Variants in CRIM1 observed in about 807,000 individuals in gnomAD.
The protein encoded by CRIM1 is cysteine-rich motor neuron 1 protein.
CRIM1 carries 32 observed loss-of-function variants against 116.4 expected under a neutral mutation model. The observed-to-expected ratio is 0.27, with a 90% CI of 0.21 to 0.37. The LOEUF is 0.37. Among genes scored for constraint, CRIM1 ranks in the 10% least tolerant of loss-of-function variants. The pLI is 1.00. For synonymous variants in CRIM1, 590 were observed against 509.2 expected (o/e 1.16, Z -2.13); for missense variants, 1,331 against 1,354.8 (o/e 0.98, Z 0.28).
In CRIM1 at chr2:36,402,904, A is replaced by C. The variant is rs371799386; in HGVS notation, c.505+6117A>C. Among the ~76,000 whole-genome samples the C allele has an allele frequency of 3.5e-4, 54 of 152,274 alleles. 1 individual carries two copies. The South Asian group carries it at 0.011, about 31-fold the overall frequency. Reference sequence around the variant, plus strand: ...TTTGGGCAAATTAAATTTGACATCCACATAGAACTATTTGTCACAAGCAAT... The same window carrying C: ...TTTGGGCAAATTAAATTTGACATCCCCATAGAACTATTTGTCACAAGCAAT... On this transcript the variant is annotated intron_variant, in intron 2 of 16. Transcript: ENST00000280527.
chr2:36,521,993 C>T lies in CRIM1; in HGVS notation c.2207-99C>T, dbSNP rs537301806. 23 of 944,106 alleles carry T rather than the reference C, an allele frequency of 2.4e-5. No individual in the cohort carries two copies. In the East Asian group the frequency reaches 4.1e-4, roughly 17 times the overall value. 58.5% of individuals were successfully genotyped at this position (944,106 alleles called of 1,614,324 possible). A position where few individuals can be genotyped will look rare whatever the true frequency, so the allele number is the denominator to read the frequency against. On this transcript the variant is annotated intron_variant, in intron 12 of 16. Coordinates refer to ENST00000280527, the MANE Select transcript of CRIM1 (RefSeq NM_016441.3). Reference sequence around the variant, plus strand: ...CTGCGTCATGTATTTAAGGAGGCACCGAAAGCCATCATGACTGGGTGTGCT... The same window carrying T: ...CTGCGTCATGTATTTAAGGAGGCACTGAAAGCCATCATGACTGGGTGTGCT...
intron 7 of CRIM1, among the ~76,000 whole-genome samples, chr2:36,485,036 T>C (rs1679712090): frequency 6.6e-6 from 1 of 152,188 alleles, no homozygotes; most frequent in African/African-American, 2.4e-5. Context: ...TAAGTTTTCT[T>C]CTTAATAAAA....
chr2:36,511,857 G>A (rs1664706458), intron 9 of CRIM1, among the ~76,000 whole-genome samples: 1 of 149,472 alleles, frequency 6.7e-6, no homozygotes, highest in Non-Finnish European at 1.5e-5. Context: ...GGGAGGGAGG[G>A]AGGGAGGGAC....
chr2:36,524,886 G>GA (rs971723389), intron 13 of CRIM1, among the ~76,000 whole-genome samples: 2 of 151,736 alleles, frequency 1.3e-5, no homozygotes, highest in Non-Finnish European at 2.9e-5. Flanking sequence ...CATTGGTGTA[G>GA]AAAAAAAGGA....
chr2:36,408,725 A>G (rs1672995771), intron 2 of CRIM1, among the ~76,000 whole-genome samples: 1 of 152,150 alleles, frequency 6.6e-6, no homozygotes. Flanking sequence ...TTAGTATTCC[A>G]AGACCATGAT....
intron 2 of CRIM1, among the ~76,000 whole-genome samples, chr2:36,430,621 G>A (rs995295258): frequency 6.6e-6 from 1 of 152,174 alleles, no homozygotes; most frequent in Admixed American, 6.5e-5. Context: ...TCAGGGGCTT[G>A]CCCCAGTGCA....
At chr2:36,427,206 AAAAAAAG>A (rs1472759967) in intron 2 of CRIM1, among the ~76,000 whole-genome samples, 1 of 151,936 alleles carries the variant, frequency 6.6e-6, no homozygotes, top group Non-Finnish European at 1.5e-5. Flanking sequence ...GTCTCAAAAA[AAAAAAAG>A]AAAGAAAAGA....
intron 4 of CRIM1, among the ~76,000 whole-genome samples, chr2:36,452,012 T>G (rs1400758545): frequency 1.3e-5 from 2 of 152,180 alleles, no homozygotes; most frequent in Non-Finnish European, 2.9e-5. Flanking sequence ...TCCCTGCATA[T>G]GCATTTTCAA....
At position 36,430,107 on chromosome 2, in the gene CRIM1, G is replaced by A. The variant is rs371014898; in HGVS notation, c.506-11151G>A. Among the ~76,000 whole-genome samples, 15 of 152,238 alleles carry A rather than the reference G, an allele frequency of 9.9e-5. No individual in the cohort carries two copies. In the East Asian group the frequency reaches 1.2e-3, roughly 12 times the overall value. ...CAGCCAGATGTGCAAAAGTTCCTCC[G>A]TATACACACTGTACTGCTTAAATTG... On this transcript the variant is annotated intron_variant, in intron 2 of 16. Transcript: ENST00000280527.
At chr2:36,457,980 T>A (rs1300427088) in intron 4 of CRIM1, among the ~76,000 whole-genome samples, 2 of 152,224 alleles carry the variant, frequency 1.3e-5, no homozygotes, top group African/African-American at 4.8e-5. Context: ...TATCCTTGTT[T>A]CCTGACTAAA....
Position 36,464,574 on chromosome 2 carries a change from G to C in CRIM1, c.910G>C (p.Glu304Gln), listed in dbSNP as rs1346404708. The C allele has an allele frequency of 6.2e-7, 1 of 1,614,146 alleles. No individual in the cohort carries two copies. The highest frequency in any genetic ancestry group is 1.3e-5 in the African/African-American group (1 of 75,036). The change falls in exon 5 of 17, where the codon GAG (glutamate) becomes CAG (glutamine). Residue 304 changes from glutamate (E) to glutamine (Q), a missense_variant. Glu to Gln is a conservative substitution (Grantham distance 29). Coordinates refer to ENST00000280527, the MANE Select transcript of CRIM1 (RefSeq NM_016441.3). ...LSGLCGFPVC[E>Q]VGSTPRIVSR... ...TGGCTTATGTGGTTTCCCCGTGTGT[G>C]AGGTGGGATCCACTCCCCGCATAGT...
chr2:36,414,985 G>C (rs1032507379), intron 2 of CRIM1, among the ~76,000 whole-genome samples: 1 of 152,212 alleles, frequency 6.6e-6, no homozygotes, highest in Non-Finnish European at 1.5e-5. Context: ...ATTGTAGCGG[G>C]AAGCTAGAGT....
intron 5 of CRIM1, among the ~76,000 whole-genome samples, chr2:36,465,701 A>G (rs1249607738): frequency 1.3e-5 from 2 of 152,124 alleles, no homozygotes; most frequent in Admixed American, 1.3e-4. Flanking sequence ...CACAGACTAG[A>G]ATTAATAACC....
In CRIM1 at chr2:36,396,895, T is replaced by C. The variant is rs934779547; in HGVS notation, c.505+108T>C. On this transcript the variant is annotated intron_variant, in intron 2 of 16. Transcript: ENST00000280527. ...AAGGCAAAGACAAGTTTACAGAGAG[T>C]GGTAGTTTGTATAATCCCAACTAAG... is the stretch of plus-strand genomic sequence containing the variant. 19 of 963,118 alleles carry C rather than the reference T, an allele frequency of 2.0e-5. No individual in the cohort carries two copies. In the Admixed American group the frequency reaches 3.4e-4, roughly 17 times the overall value. The allele number at this position is 963,118 out of a possible 1,614,324, so 59.7% of individuals were successfully genotyped here. A position where few individuals can be genotyped will look rare whatever the true frequency, so the allele number is the denominator to read the frequency against.
intron 11 of CRIM1, among the ~76,000 whole-genome samples, chr2:36,514,697 G>A (rs547769504): frequency 1.3e-5 from 2 of 150,824 alleles, no homozygotes; most frequent in African/African-American, 4.9e-5. Context: ...CTCCCTGTGC[G>A]TGAGTCCACC....
intron 14 of CRIM1, 39 bp downstream of exon 14, chr2:36,537,585 T>C (rs1666639949): frequency 6.5e-7 from 1 of 1,545,394 alleles, no homozygotes; most frequent in African/African-American, 1.4e-5. Flanking sequence ...CAAGCTGTAA[T>C]GTTGATTTAA....
At chr2:36,378,211 G>C (rs1455224362) in intron 1 of CRIM1, 1 of 434,730 alleles carries the variant, frequency 2.3e-6, no homozygotes, top group Non-Finnish European at 4.7e-6. Flanking sequence ...TGTGTAAGTC[G>C]CAGGTGTTCA....
intron 14 of CRIM1, among the ~76,000 whole-genome samples, chr2:36,541,313 G>C (rs1110127): frequency 0.25 from 38,207 of 152,136 alleles, 5,198 homozygotes; most frequent in South Asian, 0.41. Context: ...TCTTCCTTTA[G>C]ACATAGCAAC....
chr2:36,472,014 A>G (rs957284111), intron 5 of CRIM1, among the ~76,000 whole-genome samples: 3 of 152,194 alleles, frequency 2.0e-5, no homozygotes, highest in African/African-American at 4.8e-5. Context: ...AATAGTCTAT[A>G]TTACAAAATT....
Sources: gnomAD v4.1 joint callset for allele counts (sites outside exome capture counted in the v4.1 genomes callset) on GRCh38, gnomAD v4.1.1 for gene constraint, MANE v1.5 for transcripts, NCBI Gene and HGNC (gene_info 2026-07-23, HGNC 2026-07-21) for gene names.